PARD3B: variants seen among roughly 807,000 people sequenced by gnomAD.
PARD3B encodes par-3 family cell polarity regulator beta.
A neutral mutation model predicts 130.2 loss-of-function variants in PARD3B; 103 were observed. The ratio of observed to expected loss-of-function variants is 0.79; its 90% CI spans 0.67 to 0.93. The LOEUF (loss-of-function observed/expected upper bound fraction) is 0.93. Among genes scored for constraint, PARD3B ranks in the 40% least tolerant of loss-of-function variants. The pLI, the probability that PARD3B is intolerant of heterozygous loss-of-function variation, is 0.00. For synonymous variants in PARD3B, 583 were observed against 553.2 expected, an observed-to-expected ratio of 1.05 and a Z score of -0.76; for missense variants, 1,609 against 1,499.2, an observed-to-expected ratio of 1.07 and a Z score of -1.21.
chr2:204,660,574 T>A (rs982268345), intron 1 of PARD3B, among the ~76,000 whole-genome samples: 4 of 152,140 alleles, frequency 2.6e-5, no homozygotes, highest in African/African-American at 9.7e-5. Flanking sequence ...GTATAATAAA[T>A]CATTAGTGGA....
At chr2:204,855,959 A>G (rs1298253226) in intron 2 of PARD3B, among the ~76,000 whole-genome samples, 2 of 152,218 alleles carry the variant, frequency 1.3e-5, no homozygotes, top group Admixed American at 1.3e-4. Flanking sequence ...GTTGATGAAT[A>G]GTTAGATTGC....
chr2:205,522,316 CTT>C (rs540788282), intron 21 of PARD3B, among the ~76,000 whole-genome samples: 538 of 149,970 alleles, frequency 3.6e-3, no homozygotes, highest in Non-Finnish European at 6.1e-3. Context: ...ATATTAAAGA[CTT>C]TATTTTTCCT....
intron 18 of PARD3B, among the ~76,000 whole-genome samples, chr2:205,381,960 C>G (rs1042337861): frequency 1.3e-4 from 20 of 151,870 alleles, no homozygotes; most frequent in African/African-American, 4.8e-4. Context: ...TTTAGACTAC[C>G]AGAAATTTGC....
chr2:204,793,827 TA>T (rs1407607108), intron 2 of PARD3B, among the ~76,000 whole-genome samples: 1 of 152,174 alleles, frequency 6.6e-6, no homozygotes, highest in Non-Finnish European at 1.5e-5. Flanking sequence ...TTTTTCAGTA[TA>T]AATGCCCTCT....
chr2:204,666,576 G>A (rs2036033171), intron 1 of PARD3B, among the ~76,000 whole-genome samples: 1 of 152,110 alleles, frequency 6.6e-6, no homozygotes, highest in South Asian at 2.1e-4. Context: ...AGAGTGAAGG[G>A]AAGTGAACAG....
rs1303019257 is a variant in PARD3B, at chr2:204,675,094, C to T, written c.121-11087C>T. On this transcript the variant is annotated intron_variant, in intron 1 of 22. Coordinates refer to ENST00000406610, the MANE Select transcript of PARD3B (RefSeq NM_001302769.2). The surrounding 1 kb of genome is among the most constrained non-coding windows in gnomAD (Gnocchi z 4.4). ...TCTGGACCACACAAGTTTCTAAAACCTTGGCATCCAGGGCTTTGGACTATA... is the reference window on the plus strand; with the variant it reads ...TCTGGACCACACAAGTTTCTAAAACTTTGGCATCCAGGGCTTTGGACTATA... 6.6e-6 allele frequency among the ~76,000 whole-genome samples: 1 copy of T among 152,030 alleles called. No homozygotes were observed. The highest frequency in any genetic ancestry group is 1.9e-4 in the East Asian group (1 of 5,182).
intron 3 of PARD3B, among the ~76,000 whole-genome samples, chr2:205,025,777 G>A (rs1038150282): frequency 2.6e-5 from 4 of 152,026 alleles, no homozygotes; most frequent in Non-Finnish European, 5.9e-5. Flanking sequence ...CCTATTCCAT[G>A]TTTTGCCCCA....
At chr2:204,685,388 C>T (rs542910795) in intron 1 of PARD3B, among the ~76,000 whole-genome samples, 2 of 152,208 alleles carry the variant, frequency 1.3e-5, no homozygotes, top group South Asian at 2.1e-4. Context: ...CTTGTCCCAT[C>T]GCTATAATGG....
At chr2:205,165,478 G>C (rs1177986052) in intron 11 of PARD3B, among the ~76,000 whole-genome samples, 2 of 147,508 alleles carry the variant, frequency 1.4e-5, no homozygotes, top group African/African-American at 5.4e-5. Context: ...ATTTCAGAAT[G>C]GTTTATGCAT....
chr2:204,649,878 C>T lies in PARD3B; in HGVS notation c.121-36303C>T, dbSNP rs940515925. On this transcript the variant is annotated intron_variant, in intron 1 of 22. Transcript: ENST00000406610. Reference sequence around the variant, plus strand: ...GGCAAAGAGTTCATCTTGGAGATGCCGGAGGCAATTCCGATTAAAGCAAAA... The same window carrying T: ...GGCAAAGAGTTCATCTTGGAGATGCTGGAGGCAATTCCGATTAAAGCAAAA... Among the ~76,000 whole-genome samples, 11 of 152,074 alleles carry T rather than the reference C, an allele frequency of 7.2e-5. No homozygotes were observed. The East Asian group carries it at 7.7e-4, about 11-fold the overall frequency.
rs2043528666 is a variant in PARD3B at position 205,341,478 on chromosome 2, A to G, written c.2630+39777A>G. ...CCTGGAGGACATTATGTTAAACAAA[A>G]TAAGTCAGGCACAGAAAGATAAATA... On this transcript the variant is annotated intron_variant, in intron 18 of 22. Transcript: ENST00000406610. The surrounding 1 kb of genome is among the most constrained non-coding windows in gnomAD (Gnocchi z 4.3). 2.0e-5 allele frequency among the ~76,000 whole-genome samples: 3 copies of G among 152,180 alleles called. No homozygotes were observed. Among genetic ancestry groups the G allele is most frequent in the Admixed American group, 6.5e-5 (1 of 15,276 alleles).
At chr2:205,166,064 C>T (rs1434162) in intron 11 of PARD3B, among the ~76,000 whole-genome samples, 55,894 of 151,952 alleles carry the variant, frequency 0.37, 10,561 homozygotes, top group Middle Eastern at 0.5. Context: ...AAACACCTGA[C>T]TGACTTAATT....
intron 18 of PARD3B, among the ~76,000 whole-genome samples, chr2:205,350,163 C>T (rs2043945081): frequency 6.6e-6 from 1 of 152,174 alleles, no homozygotes; most frequent in Non-Finnish European, 1.5e-5. Context: ...GTTAAAAGCA[C>T]ATCACAGGCA....
At chr2:204,835,995 C>T (rs1177858570) in intron 2 of PARD3B, among the ~76,000 whole-genome samples, 1 of 152,004 alleles carries the variant, frequency 6.6e-6, no homozygotes, top group African/African-American at 2.4e-5. Flanking sequence ...TATTGACACC[C>T]CATTTAAAAA....
intron 10 of PARD3B, among the ~76,000 whole-genome samples, chr2:205,149,683 G>A (rs533510437): frequency 2.3e-4 from 35 of 152,244 alleles, no homozygotes; most frequent in African/African-American, 8.2e-4. Context: ...ACCCCTTCCT[G>A]GGACTTGGAA....
chr2:204,793,803 G>T (rs1026133824), intron 2 of PARD3B, among the ~76,000 whole-genome samples: 1 of 151,996 alleles, frequency 6.6e-6, no homozygotes, highest in Non-Finnish European at 1.5e-5. Context: ...CACCACGCCC[G>T]GCCATCATTG....
At chr2:205,547,779 G>C (rs1220025240) in intron 21 of PARD3B, among the ~76,000 whole-genome samples, 2 of 152,182 alleles carry the variant, frequency 1.3e-5, no homozygotes, top group African/African-American at 4.8e-5. Context: ...AGTCAGTCTT[G>C]CCATAATAAA....
chr2:205,234,258 T>C (rs2038967459), intron 15 of PARD3B, among the ~76,000 whole-genome samples: 1 of 152,132 alleles, frequency 6.6e-6, no homozygotes, highest in Non-Finnish European at 1.5e-5. Context: ...AGTTCAAGGC[T>C]ACAGTGAGCT....
intron 16 of PARD3B, among the ~76,000 whole-genome samples, chr2:205,297,068 G>A (rs1041946347): frequency 2.0e-5 from 3 of 152,000 alleles, no homozygotes; most frequent in Non-Finnish European, 2.9e-5. Context: ...TCATGTTTGT[G>A]AGGGGAGGAT....
Sources: allele counts gnomAD v4.1 joint callset (sites outside exome capture counted in the v4.1 genomes callset), GRCh38; gene constraint gnomAD v4.1.1; non-coding constraint Gnocchi (gnomAD v3.1); transcripts MANE v1.5; gene names NCBI Gene and HGNC (gene_info 2026-07-23, HGNC 2026-07-21).